The following ATF6 variants were observed in gnomAD, a reference collection of about 807,000 sequenced individuals.
ATF6 encodes cyclic AMP-dependent transcription factor ATF-6 alpha.
In ATF6, 53 loss-of-function variants were observed where a neutral mutation model predicts 83.6. That is an observed-to-expected ratio of 0.63 (90% CI 0.51 to 0.80). The LOEUF is 0.80. ATF6 is among the 30% of genes least tolerant of loss of function. The pLI, the probability that ATF6 is intolerant of heterozygous loss-of-function variation, is 0.00. For missense variants in ATF6, 744 were observed against 797.9 expected, an observed-to-expected ratio of 0.93 and a Z score of 0.81; for synonymous variants, 288 against 285.8, an observed-to-expected ratio of 1.01 and a Z score of -0.08.
At chr1:161,832,943 G>A (rs185273372) in intron 9 of ATF6, among the ~76,000 whole-genome samples, 343 of 152,330 alleles carry the variant, frequency 2.3e-3, no homozygotes, top group African/African-American at 7.8e-3. Flanking sequence ...ATCTGAGAAC[G>A]GGCAGGCTGC....
At chr1:161,824,622 T>A (rs567909446) in intron 9 of ATF6, among the ~76,000 whole-genome samples, 1 of 152,356 alleles carries the variant, frequency 6.6e-6, no homozygotes. Flanking sequence ...TGGCACATAG[T>A]AGTTACTCAA....
At chr1:161,787,539 G>A (rs1684772324) in intron 4 of ATF6, among the ~76,000 whole-genome samples, 1 of 152,026 alleles carries the variant, frequency 6.6e-6, no homozygotes, top group Admixed American at 6.6e-5. Context: ...CCATATCAGT[G>A]CCCTCTCTAC....
chr1:161,878,108 T>C (rs1687253783), intron 14 of ATF6, among the ~76,000 whole-genome samples: 1 of 152,036 alleles, frequency 6.6e-6, no homozygotes, highest in Non-Finnish European at 1.5e-5. Context: ...AATTGTCAGC[T>C]CATACACATT....
chr1:161,840,622 CATAA>C (rs1340408145), intron 9 of ATF6, among the ~76,000 whole-genome samples: 2 of 152,136 alleles, frequency 1.3e-5, no homozygotes, highest in Non-Finnish European at 2.9e-5. Context: ...TAAGTGGCTT[CATAA>C]ATAATCTAAA....
intron 2 of ATF6, among the ~76,000 whole-genome samples, chr1:161,780,045 CT>C (rs1684598339): frequency 6.6e-6 from 1 of 151,880 alleles, no homozygotes; most frequent in Admixed American, 6.6e-5. Flanking sequence ...GCTAAGGCTG[CT>C]TAATTTTTTG....
chr1:161,920,891 G>T (rs1571238314), intron 15 of ATF6, among the ~76,000 whole-genome samples: 2 of 152,080 alleles, frequency 1.3e-5, no homozygotes, highest in East Asian at 1.9e-4. Flanking sequence ...TTTAGGCCTG[G>T]CTTCAAAGGA....
intron 13 of ATF6, among the ~76,000 whole-genome samples, chr1:161,862,917 C>CT (rs1170002624): frequency 6.6e-6 from 1 of 152,110 alleles, no homozygotes. Context: ...TTTTCTGATA[C>CT]TTTCATTATT....
At chr1:161,881,923 T>G (rs1000862738) in intron 14 of ATF6, among the ~76,000 whole-genome samples, 1 of 152,182 alleles carries the variant, frequency 6.6e-6, no homozygotes, top group African/African-American at 2.4e-5. Flanking sequence ...CATTTAGGTG[T>G]ATGATCCATT....
chr1:161,929,025 A>G lies in ATF6; in HGVS notation c.1804+16645A>G, dbSNP rs17416787. On this transcript the variant is annotated intron_variant, in intron 15 of 15. Transcript: ENST00000367942. ...ACGCATACACCTTTGAAAACAGTCA[A>G]TGTAACTCCCAGTTATTAAGAACCT... Among the ~76,000 whole-genome samples the G allele has an allele frequency of 6.9e-3, 1,046 of 152,328 alleles. 7 individuals are homozygous for G. The highest frequency in any genetic ancestry group is 0.01 in the Non-Finnish European group (703 of 68,022).
At chr1:161,944,875 G>C (rs1448209116) in intron 15 of ATF6, among the ~76,000 whole-genome samples, 1 of 152,176 alleles carries the variant, frequency 6.6e-6, no homozygotes, top group African/African-American at 2.4e-5. Flanking sequence ...ATGGTAATCA[G>C]ACCTAAAAGA....
chr1:161,934,301 A>G (rs1223487642), intron 15 of ATF6, among the ~76,000 whole-genome samples: 1 of 152,188 alleles, frequency 6.6e-6, no homozygotes, highest in Non-Finnish European at 1.5e-5. Flanking sequence ...TTTAAAGAAA[A>G]GTTTGAAAAA....
chr1:161,929,004 A>G (rs1688378515), intron 15 of ATF6, among the ~76,000 whole-genome samples: 1 of 152,256 alleles, frequency 6.6e-6, no homozygotes, highest in African/African-American at 2.4e-5. Flanking sequence ...AGTCATACGC[A>G]TACACCTTTG....
Position 161,812,371 on chromosome 1 carries a change from CTTTTTTTTTTTTTTTTTTTTTT to C in ATF6, c.910-7244_910-7223del, listed in dbSNP as rs869240831. Among the ~76,000 whole-genome samples, 9 of 34,394 alleles carry C rather than the reference CTTTTTTTTTTTTTTTTTTTTTT, an allele frequency of 2.6e-4. No homozygotes were observed. The East Asian group carries it at 3.0e-3, about 12-fold the overall frequency. 22.6% of individuals were successfully genotyped at this position (34,394 alleles called of 152,430 possible). On this transcript the variant is annotated intron_variant, in intron 7 of 15. Transcript: ENST00000367942. ...GAGCTGGAATGGGAGCAGGTATTTTCTTTTTTTTTTTTTTTTTTTTTTTTTTTTTTTTTTTTTTTGAGACGGA... is the reference window on the plus strand; with the variant it reads ...GAGCTGGAATGGGAGCAGGTATTTTCTTTTTTTTTTTTTTTTTGAGACGGA...
intron 14 of ATF6, among the ~76,000 whole-genome samples, chr1:161,906,839 T>C (rs1056217282): frequency 1.3e-5 from 2 of 152,204 alleles, no homozygotes; most frequent in East Asian, 3.8e-4. Flanking sequence ...AATACAGCAT[T>C]CATATTAGCT....
intron 14 of ATF6, among the ~76,000 whole-genome samples, chr1:161,904,816 A>T (rs1049481164): frequency 6.6e-6 from 1 of 152,216 alleles, no homozygotes; most frequent in African/African-American, 2.4e-5. Flanking sequence ...AGCTGGCAAT[A>T]AAGCTCAGCT....
rs1446754345 is a variant in ATF6 at position 161,962,222 on chromosome 1, T to C, written c.*3568T>C. 1 of 152,146 alleles carries C rather than the reference T, an allele frequency of 6.6e-6. No individual in the cohort carries two copies. The allele number at this position is 152,146 out of a possible 1,614,324, so 9.4% of individuals were successfully genotyped here. ...TTGACACGGAGGTATTTGAAAGCAA[T>C]GTTATGTGAGTCATTCTTAAGTGTT... On this transcript the variant is annotated 3_prime_UTR_variant, in exon 16 of 16. Transcript: ENST00000367942.
intron 15 of ATF6, among the ~76,000 whole-genome samples, chr1:161,933,355 G>A (rs1688471965): frequency 6.6e-6 from 1 of 152,146 alleles, no homozygotes; most frequent in African/African-American, 2.4e-5. Context: ...TATTTTTAAA[G>A]CATCTTTAGT....
intron 15 of ATF6, among the ~76,000 whole-genome samples, chr1:161,953,523 C>G (rs571262058): frequency 1.3e-5 from 2 of 152,318 alleles, no homozygotes; most frequent in South Asian, 4.1e-4. Context: ...TCACAGTGAA[C>G]AAATTCTGCT....
In ATF6 at chr1:161,963,133, A is replaced by T. The variant is rs1689134891; in HGVS notation, c.*4479A>T. ...AAAGATGTTGCCAGAATCCAAAAGGAACTATGCTCGTAAAAGAAATGCAGT... is the reference window on the plus strand; with the variant it reads ...AAAGATGTTGCCAGAATCCAAAAGGTACTATGCTCGTAAAAGAAATGCAGT... On this transcript the variant is annotated 3_prime_UTR_variant, in exon 16 of 16. Coordinates refer to ENST00000367942, the MANE Select transcript of ATF6 (RefSeq NM_007348.4). The T allele has an allele frequency of 6.6e-6, 1 of 152,230 alleles. No individual in the cohort carries two copies. The highest frequency in any genetic ancestry group is 1.5e-5 in the Non-Finnish European group (1 of 68,038). 9.4% of individuals were successfully genotyped at this position (152,230 alleles called of 1,614,324 possible).
Sources: gnomAD v4.1 joint callset for allele counts (sites outside exome capture counted in the v4.1 genomes callset) on GRCh38, gnomAD v4.1.1 for gene constraint, MANE v1.5 for transcripts, NCBI Gene and HGNC (gene_info 2026-07-23, HGNC 2026-07-21) for gene names.